PTPRF: variants seen among roughly 807,000 people sequenced by gnomAD.
The protein encoded by PTPRF is receptor-type tyrosine-protein phosphatase F.
A neutral mutation model predicts 201.8 loss-of-function variants in PTPRF; 59 were observed. The observed-to-expected ratio is 0.29, with a 90% CI of 0.24 to 0.36. The LOEUF (loss-of-function observed/expected upper bound fraction) is 0.36, where lower values mean the gene tolerates loss of function less well. PTPRF is among the 10% of genes least tolerant of loss of function. The pLI is 1.00. For missense variants in PTPRF, 2,132 were observed against 2,690.5 expected (o/e 0.79, Z 4.59); for synonymous variants, 1,088 against 1,089.7 (o/e 1.00, Z 0.03).
chr1:43,621,668 T>C (rs764075537), intron 33 of PTPRF, among the ~76,000 whole-genome samples: 22 of 152,210 alleles, frequency 1.4e-4, no homozygotes, highest in Non-Finnish European at 2.6e-4. Flanking sequence ...GCAATCCTTA[T>C]GGGGTGCCCA....
At chr1:43,594,732 G>T (rs1280959356) in intron 11 of PTPRF, among the ~76,000 whole-genome samples, 2 of 152,124 alleles carry the variant, frequency 1.3e-5, no homozygotes, top group African/African-American at 4.8e-5. Context: ...GAGGAGAGTG[G>T]TGCTGGCGTA....
At chr1:43,531,378 A>C (rs1570839766) in intron 1 of PTPRF, among the ~76,000 whole-genome samples, 2 of 74,912 alleles carry the variant, frequency 2.7e-5, no homozygotes, top group Non-Finnish European at 2.7e-5. Context: ...CTCCCTCTCC[A>C]CCGCACCTTA....
intron 23 of PTPRF, among the ~76,000 whole-genome samples, chr1:43,615,636 G>A (rs1328809493): frequency 1.4e-5 from 2 of 140,462 alleles, no homozygotes; most frequent in African/African-American, 2.7e-5. Context: ...GCGTGATCTC[G>A]GCTCAGTGCA....
intron 21 of PTPRF, among the ~76,000 whole-genome samples, chr1:43,609,174 T>G (rs1570622075): frequency 6.6e-6 from 1 of 152,274 alleles, no homozygotes; most frequent in East Asian, 1.9e-4. Flanking sequence ...GCCACACTCC[T>G]GCTCTCCCTA....
intron 20 of PTPRF, 32 bp downstream of exon 20, chr1:43,606,490 C>A: frequency 6.3e-7 from 1 of 1,582,792 alleles, no homozygotes; most frequent in South Asian, 1.1e-5. Flanking sequence ...TGTCAGCACC[C>A]TGATTCCCTG....
intron 1 of PTPRF, among the ~76,000 whole-genome samples, chr1:43,536,832 G>A (rs1025455691): frequency 2.0e-5 from 3 of 152,196 alleles, no homozygotes; most frequent in African/African-American, 7.2e-5. Flanking sequence ...GGGTCGCCAA[G>A]CTGGCGAGGG....
chr1:43,579,987 C>G (rs1389334922), intron 7 of PTPRF: 1 of 151,710 alleles, frequency 6.6e-6, no homozygotes, highest in Non-Finnish European at 1.5e-5. Flanking sequence ...GTAGGAAAAT[C>G]GCTTGAACCA....
intron 5 of PTPRF, among the ~76,000 whole-genome samples, chr1:43,562,622 G>C (rs1645885618): frequency 6.6e-6 from 1 of 151,688 alleles, no homozygotes; most frequent in South Asian, 2.1e-4. Flanking sequence ...ATGTTGGCCA[G>C]GCTGGTCTTG....
chr1:43,601,649 A>G (rs897739826), intron 13 of PTPRF, among the ~76,000 whole-genome samples: 1 of 152,210 alleles, frequency 6.6e-6, no homozygotes, highest in Admixed American at 6.5e-5. Context: ...TGTCCGAGGC[A>G]AACCAGGGCA....
intron 1 of PTPRF, among the ~76,000 whole-genome samples, chr1:43,533,715 C>T (rs1051527568): frequency 2.0e-5 from 3 of 152,182 alleles, no homozygotes; most frequent in African/African-American, 7.2e-5. Context: ...AGTCACTTCC[C>T]TTGTGACTGA....
intron 3 of PTPRF, among the ~76,000 whole-genome samples, chr1:43,547,527 G>C (rs1644757153): frequency 6.6e-6 from 1 of 152,240 alleles, no homozygotes; most frequent in Admixed American, 6.5e-5. Context: ...CCTGCACTGA[G>C]GCAGGGCTCA....
In PTPRF at chr1:43,554,638, G is replaced by A. The variant is rs1324565958; in HGVS notation, c.379+697G>A. On this transcript the variant is annotated intron_variant, in intron 5 of 33. Coordinates refer to ENST00000359947, the MANE Select transcript of PTPRF (RefSeq NM_002840.5). The surrounding 1 kb of genome is among the most constrained non-coding windows in gnomAD (Gnocchi z 4.1). ...GAGCTAGAGAGCACAGGAAGAAGGA[G>A]AAAGCAATTCAGCATGAGTCTGGAG... is the stretch of plus-strand genomic sequence containing the variant. Among the ~76,000 whole-genome samples the A allele has an allele frequency of 6.6e-6, 1 of 152,008 alleles. No individual in the cohort carries two copies. Among genetic ancestry groups the A allele is most frequent in the Non-Finnish European group, 1.5e-5 (1 of 68,008 alleles).
At chr1:43,614,865 T>TA (rs200221212) in intron 23 of PTPRF, among the ~76,000 whole-genome samples, 2 of 63,838 alleles carry the variant, frequency 3.1e-5, no homozygotes, top group Admixed American at 1.1e-4. Flanking sequence ...AAATATAAAA[T>TA]AAAAAAAACT....
chr1:43,555,078 C>T (rs1645266206), intron 5 of PTPRF, among the ~76,000 whole-genome samples: 2 of 152,202 alleles, frequency 1.3e-5, no homozygotes, highest in East Asian at 3.9e-4. Flanking sequence ...TCTCAAACTC[C>T]TGACCTCAGG....
rs771381061 is a variant in PTPRF at position 43,605,635 on chromosome 1, G to A, written c.3483+13G>A. 7 of 1,612,598 alleles carry A rather than the reference G, an allele frequency of 4.3e-6. No homozygotes were observed. In the African/African-American group the frequency reaches 9.3e-5, roughly 22 times the overall value. On this transcript the variant is annotated intron_variant, in intron 19 of 33. Coordinates refer to ENST00000359947, the MANE Select transcript of PTPRF (RefSeq NM_002840.5). ...GGAGCTGGACGAGGTACCTGGGGAG[G>A]GGATGGGGACACTGACAGCCCCATT...
In PTPRF at chr1:43,622,119, G is replaced by A. The variant is rs899751880; in HGVS notation, c.*116G>A. 40 of 1,115,824 alleles carry A rather than the reference G, an allele frequency of 3.6e-5. No individual in the cohort carries two copies. The highest frequency in any genetic ancestry group is 5.2e-5 in the Non-Finnish European group (39 of 748,150). 69.1% of individuals were successfully genotyped at this position (1,115,824 alleles called of 1,614,324 possible). ...CTACGCAGATGCTGTCACTGGCAGA[G>A]CACAGCCCACGGGGATCACAGCGTT... On this transcript the variant is annotated 3_prime_UTR_variant, in exon 34 of 34. Coordinates refer to ENST00000359947, the MANE Select transcript of PTPRF (RefSeq NM_002840.5).
intron 6 of PTPRF, chr1:43,575,981 C>T (rs552459917): frequency 3.5e-4 from 481 of 1,355,616 alleles, no homozygotes; most frequent in Non-Finnish European, 4.6e-4. Flanking sequence ...CTGCCGTCAC[C>T]TCCACTCCAT....
chr1:43,578,868 G>A lies in PTPRF; in HGVS notation c.627G>A (p.Ala209=), dbSNP rs779365498. Reference sequence around the variant, plus strand: ...ACCAAGGCAAGTACGAGTGTGTGGCGACCAACTCGGCAGGCACACGTTACT... The same window carrying A: ...ACCAAGGCAAGTACGAGTGTGTGGCAACCAACTCGGCAGGCACACGTTACT... The part of the protein sequence containing the change: ...ESDQGKYECV[A]TNSAGTRYSA... The change falls in exon 7 of 34, where the codon GCG becomes GCA. Residue 209 remains alanine, a synonymous_variant. Coordinates refer to ENST00000359947, the MANE Select transcript of PTPRF (RefSeq NM_002840.5). 9 of 1,614,202 alleles carry A rather than the reference G, an allele frequency of 5.6e-6. No homozygotes were observed. Among genetic ancestry groups the A allele is most frequent in the East Asian group, 2.2e-5 (1 of 44,888 alleles).
chr1:43,568,112 A>G (rs917338221), intron 5 of PTPRF, among the ~76,000 whole-genome samples: 5 of 152,144 alleles, frequency 3.3e-5, no homozygotes, highest in East Asian at 3.9e-4. Flanking sequence ...CCTGGCCAAC[A>G]TGGTGAAACC....
Sources: allele counts gnomAD v4.1 joint callset (sites outside exome capture counted in the v4.1 genomes callset), GRCh38; gene constraint gnomAD v4.1.1; non-coding constraint Gnocchi (gnomAD v3.1); transcripts MANE v1.5; gene names NCBI Gene and HGNC (gene_info 2026-07-23, HGNC 2026-07-21).